TBCK: variants seen among roughly 807,000 people sequenced by gnomAD.
TBCK encodes TBC domain-containing protein kinase-like protein.
A neutral mutation model predicts 113.4 loss-of-function variants in TBCK; 99 were observed. That is an observed-to-expected ratio of 0.87 (90% CI 0.74 to 1.03). TBCK has a LOEUF of 1.03. Among genes scored for constraint, TBCK ranks in the 50% least tolerant of loss-of-function variants. TBCK has a pLI of 0.00. For synonymous variants in TBCK, 369 were observed against 370.8 expected (o/e 1.00, Z 0.05); for missense variants, 1,045 against 1,061.3 (o/e 0.98, Z 0.21).
chr4:106,130,810 A>T (rs561382947), intron 23 of TBCK, among the ~76,000 whole-genome samples: 46 of 152,314 alleles, frequency 3.0e-4, no homozygotes, highest in African/African-American at 1.1e-3. Flanking sequence ...AATACTTCAT[A>T]ACTATGAATC....
intron 25 of TBCK, among the ~76,000 whole-genome samples, chr4:106,074,499 GT>G (rs1217616354): frequency 6.6e-6 from 1 of 152,150 alleles, no homozygotes; most frequent in Non-Finnish European, 1.5e-5. Context: ...ATTCTGTGAG[GT>G]AGGTATTTTT....
intron 14 of TBCK, among the ~76,000 whole-genome samples, 187 bp from the exon 15 acceptor site, chr4:106,235,554 C>T (rs992646254): frequency 2.0e-5 from 3 of 151,964 alleles, no homozygotes; most frequent in African/African-American, 7.2e-5. Context: ...ATCCCTAACA[C>T]CTTGAAAAAC....
At chr4:106,103,671 T>C (rs1232564634) in intron 24 of TBCK, among the ~76,000 whole-genome samples, 2 of 152,332 alleles carry the variant, frequency 1.3e-5, no homozygotes, top group Non-Finnish European at 2.9e-5. Context: ...AGACTGCTAT[T>C]ATTAGAAGTC....
chr4:106,121,913 G>C (rs1744440572), intron 23 of TBCK, among the ~76,000 whole-genome samples: 1 of 152,020 alleles, frequency 6.6e-6, no homozygotes, highest in Non-Finnish European at 1.5e-5. Context: ...ATGCCCACAA[G>C]AGAAAGCAGG....
In TBCK at chr4:106,237,458, T is replaced by C. The variant is rs148895124; in HGVS notation, c.1171-650A>G. ...GTAAAGTAAAATGTTAACCACATCC[T>C]AAGCAAGGTGATTAAAGTTAATGCC... On this transcript the variant is annotated intron_variant, in intron 12 of 25. Transcript: ENST00000394708. 9.1e-3 allele frequency: 4,135 copies of C among 455,254 alleles called. 210 individuals carry two copies. In the Admixed American group the frequency reaches 0.094, roughly 10 times the overall value. The allele number at this position is 455,254 out of a possible 1,614,324, so 28.2% of individuals were successfully genotyped here.
At chr4:106,145,818 G>T (rs551798424) in intron 23 of TBCK, among the ~76,000 whole-genome samples, 1 of 152,112 alleles carries the variant, frequency 6.6e-6, no homozygotes, top group Non-Finnish European at 1.5e-5. Context: ...CTGATCATTA[G>T]AGAAATGCAA....
chr4:106,196,317 C>G (rs1355242257), intron 20 of TBCK, among the ~76,000 whole-genome samples: 1 of 151,704 alleles, frequency 6.6e-6, no homozygotes, highest in Non-Finnish European at 1.5e-5. Context: ...TTGTCAATAG[C>G]AAGTATCAAA....
At chr4:106,108,971 T>G (rs1742508255) in intron 24 of TBCK, among the ~76,000 whole-genome samples, 2 of 150,308 alleles carry the variant, frequency 1.3e-5, no homozygotes, top group South Asian at 4.2e-4. Context: ...ACAACCAACC[T>G]GAAAGCAAAA....
At chr4:106,255,461 A>G (rs6533244) in intron 5 of TBCK, among the ~76,000 whole-genome samples, 143,662 of 152,310 alleles carry the variant, frequency 0.94, 68,010 homozygotes, top group Non-Finnish European at 0.97. Context: ...TGGCATGGCA[A>G]GCAGGTCCAG....
rs1186817615 is a variant in TBCK at position 106,138,917 on chromosome 4, A to C, written c.2236-22539T>G. On this transcript the variant is annotated intron_variant, in intron 23 of 25. Transcript: ENST00000394708. ...AGTTTCAATGGCAATACTGATCTGG[A>C]GTTTCAGTGAGTAGAGTCAGCTGGT... Among the ~76,000 whole-genome samples the C allele has an allele frequency of 2.5e-4, 35 of 140,844 alleles. 3 individuals carry two copies. The highest frequency in any genetic ancestry group is 2.4e-3 in the Admixed American group (35 of 14,290). The allele number at this position is 140,844 out of a possible 152,430, so 92.4% of individuals were successfully genotyped here.
chr4:106,205,784 C>CAA (rs908576992), intron 20 of TBCK, among the ~76,000 whole-genome samples: 1 of 147,000 alleles, frequency 6.8e-6, no homozygotes, highest in African/African-American at 2.5e-5. Context: ...ACAAAAAAAA[C>CAA]AAAAAAAACC....
rs185586655 is a variant in TBCK at position 106,123,367 on chromosome 4, A to C, written c.2236-6989T>G. Among the ~76,000 whole-genome samples, 368 of 152,318 alleles carry C rather than the reference A, an allele frequency of 2.4e-3. 1 individual carries two copies. Among genetic ancestry groups the C allele is most frequent in the African/African-American group, 8.5e-3 (354 of 41,558 alleles). On this transcript the variant is annotated intron_variant, in intron 23 of 25. Coordinates refer to ENST00000394708, the MANE Select transcript of TBCK (RefSeq NM_001163435.3). The stretch of plus-strand genomic sequence containing the variant: ...ACTACAAATCACTGCTCAAGGAAAT[A>C]AAAGAGGATACAAACAAATGGAAGA...
chr4:106,250,419 C>A lies in TBCK; in HGVS notation c.657G>T (p.Leu219Phe), dbSNP rs1474311134. ...GATAAGCAATTGTACGACACTTACCCAAAGTAAGCAAAAATTTTAGTCTTT... is the reference window on the plus strand; with the variant it reads ...GATAAGCAATTGTACGACACTTACCAAAAGTAAGCAAAAATTTTAGTCTTT... ...ISERLKFLLT[L>F]DCVDDTLIVL... The change falls in exon 7 of 26, where the codon TTG becomes TTT. Residue 219 changes from leucine to phenylalanine, a missense_variant and splice_region_variant. Physicochemically the swap from Leu to Phe is conservative, Grantham distance 22. Coordinates refer to ENST00000394708, the MANE Select transcript of TBCK (RefSeq NM_001163435.3). 1.3e-6 allele frequency: 2 copies of A among 1,559,594 alleles called. No homozygotes were observed. The highest frequency in any genetic ancestry group is 1.2e-5 in the South Asian group (1 of 84,988).
intron 23 of TBCK, among the ~76,000 whole-genome samples, chr4:106,130,466 AC>A: frequency 6.6e-6 from 1 of 152,122 alleles, no homozygotes; most frequent in Non-Finnish European, 1.5e-5. Context: ...AACTATGTTT[AC>A]AAAAAATATT....
intron 25 of TBCK, among the ~76,000 whole-genome samples, chr4:106,079,752 TATTCATAA>T: frequency 6.6e-6 from 1 of 152,234 alleles, no homozygotes; most frequent in Middle Eastern, 3.4e-3. Context: ...TGAGACTGGG[TATTCATAA>T]AGAAAAAAAG....
chr4:106,153,756 A>C (rs1030878419), intron 23 of TBCK, among the ~76,000 whole-genome samples: 5 of 151,928 alleles, frequency 3.3e-5, no homozygotes, highest in Non-Finnish European at 7.4e-5. Context: ...ATATGTTTAC[A>C]CTGCTTATAT....
intron 23 of TBCK, among the ~76,000 whole-genome samples, chr4:106,120,798 C>A (rs1222556777): frequency 1.3e-5 from 2 of 152,138 alleles, no homozygotes; most frequent in Non-Finnish European, 2.9e-5. Flanking sequence ...AGGACATCCA[C>A]ACCAAAAACC....
intron 20 of TBCK, among the ~76,000 whole-genome samples, chr4:106,204,813 C>T (rs540639409): frequency 5.2e-5 from 7 of 134,046 alleles, no homozygotes; most frequent in African/African-American, 1.7e-4. Flanking sequence ...GGCCGGACTG[C>T]GGACTGCAGT....
intron 3 of TBCK, among the ~76,000 whole-genome samples, chr4:106,277,541 T>C (rs1184000458): frequency 6.6e-6 from 1 of 152,152 alleles, no homozygotes; most frequent in South Asian, 2.1e-4. Context: ...TGAAACCACA[T>C]GGATGACCCT....
Sources: gnomAD v4.1 joint callset for allele counts (sites outside exome capture counted in the v4.1 genomes callset) on GRCh38, gnomAD v4.1.1 for gene constraint, MANE v1.5 for transcripts, NCBI Gene and HGNC (gene_info 2026-07-23, HGNC 2026-07-21) for gene names.